The following ADGRL3 variants were observed in gnomAD, a reference collection of about 807,000 sequenced individuals.
The protein encoded by ADGRL3 is calcium-independent alpha-latrotoxin receptor 3.
Under a neutral mutation model 153.5 loss-of-function variants are expected in ADGRL3, and 62 were observed. The ratio of observed to expected loss-of-function variants is 0.40; its 90% confidence interval spans 0.33 to 0.50. ADGRL3 has a LOEUF of 0.50. Among genes scored for constraint, ADGRL3 ranks in the 20% least tolerant of loss-of-function variants. ADGRL3 has a pLI of 0.47. For missense variants in ADGRL3, 1,641 were observed against 1,859.4 expected (o/e 0.88, Z 2.16); for synonymous variants, 710 against 672.5 (o/e 1.06, Z -0.86).
chr4:61,641,177 C>T (rs1489223050), intron 5 of ADGRL3, among the ~76,000 whole-genome samples: 4 of 151,878 alleles, frequency 2.6e-5, no homozygotes, highest in Non-Finnish European at 5.9e-5. Context: ...CAACCTCACA[C>T]GGCTATTTTG....
intron 3 of ADGRL3, among the ~76,000 whole-genome samples, chr4:61,505,480 G>C (rs899517797): frequency 6.6e-6 from 1 of 152,038 alleles, no homozygotes; most frequent in African/African-American, 2.4e-5. Flanking sequence ...ATACAAAACA[G>C]CAAGGCAATT....
At chr4:61,316,817 A>C (rs1031950304) in intron 1 of ADGRL3, among the ~76,000 whole-genome samples, 12 of 152,172 alleles carry the variant, frequency 7.9e-5, no homozygotes, top group African/African-American at 2.9e-4. Flanking sequence ...ATTTTAGTAC[A>C]TATTTTGCTA....
intron 21 of ADGRL3, among the ~76,000 whole-genome samples, chr4:62,008,796 A>G (rs2099170540): frequency 6.6e-6 from 1 of 151,976 alleles, no homozygotes; most frequent in African/African-American, 2.4e-5. Flanking sequence ...ATACACGCAT[A>G]TCCAGGCACA....
At chr4:61,545,595 C>T (rs2148705523) in intron 4 of ADGRL3, among the ~76,000 whole-genome samples, 1 of 152,266 alleles carries the variant, frequency 6.6e-6, no homozygotes, top group East Asian at 1.9e-4. Context: ...CTCACTGCAA[C>T]CTCCGCCTGC....
At chr4:61,292,379 A>G (rs957068315) in intron 1 of ADGRL3, among the ~76,000 whole-genome samples, 1 of 152,174 alleles carries the variant, frequency 6.6e-6, no homozygotes, top group Non-Finnish European at 1.5e-5. Flanking sequence ...TTTTGAGGCT[A>G]TAGTTGTGAA....
chr4:61,930,460 T>G (rs1263048786), intron 13 of ADGRL3, among the ~76,000 whole-genome samples: 1 of 152,192 alleles, frequency 6.6e-6, no homozygotes, highest in African/African-American at 2.4e-5. Context: ...AAGTTGTCAT[T>G]GCAAAAATAT....
rs1399928824 is a variant in ADGRL3 at position 61,983,416 on chromosome 4, T to A, written c.3049T>A (p.Phe1017Ile). ...ACAVFAALLH[F>I]FFLAAFTWMF... ...TGCTGTTTTCGCTGCCCTGTTACAT[T>A]TCTTCTTCTTGGCTGCCTTCACCTG... The change falls in exon 19 of 27, where the codon TTC (phenylalanine) becomes ATC (isoleucine). Residue 1017 changes from phenylalanine (F) to isoleucine (I), a missense_variant. Physicochemically the swap from Phe to Ile is conservative, Grantham distance 21. This residue lies in a region of ADGRL3 where 734 missense variants were observed against 797.0 expected (regional missense o/e 0.92). Coordinates refer to ENST00000683033, the MANE Select transcript of ADGRL3 (RefSeq NM_001387552.1). 6.2e-7 allele frequency: 1 copy of A among 1,613,722 alleles called. No homozygotes were observed. Among genetic ancestry groups the A allele is most frequent in the Admixed American group, 1.7e-5 (1 of 59,976 alleles).
At chr4:61,279,967 A>T (rs1385461640) in intron 1 of ADGRL3, among the ~76,000 whole-genome samples, 1 of 152,146 alleles carries the variant, frequency 6.6e-6, no homozygotes, top group Non-Finnish European at 1.5e-5. Flanking sequence ...TATCAAATGT[A>T]CAAATACATA....
At chr4:61,521,224 C>T (rs951904984) in intron 4 of ADGRL3, among the ~76,000 whole-genome samples, 3 of 152,076 alleles carry the variant, frequency 2.0e-5, no homozygotes, top group African/African-American at 4.8e-5. Context: ...TGCAACCTAA[C>T]AGACAAGTAG....
chr4:62,030,115 T>C (rs1465970338), intron 22 of ADGRL3, among the ~76,000 whole-genome samples: 2 of 151,628 alleles, frequency 1.3e-5, no homozygotes, highest in African/African-American at 4.8e-5. Flanking sequence ...CTGATTGTTA[T>C]GGGAGAAAAA....
At chr4:61,360,654 G>A (rs1014904729) in intron 1 of ADGRL3, among the ~76,000 whole-genome samples, 2 of 152,128 alleles carry the variant, frequency 1.3e-5, no homozygotes, top group African/African-American at 4.8e-5. Context: ...CATTTTAGAT[G>A]CAAAAACATA....
At chr4:61,742,898 G>A (rs1039062324) in intron 8 of ADGRL3, among the ~76,000 whole-genome samples, 4 of 151,918 alleles carry the variant, frequency 2.6e-5, no homozygotes, top group Admixed American at 2.0e-4. Flanking sequence ...ACAAATCAAT[G>A]GCCAAACTTT....
chr4:61,750,182 TAAAAAAA>T (rs60768535), intron 8 of ADGRL3, among the ~76,000 whole-genome samples: 18 of 94,614 alleles, frequency 1.9e-4, no homozygotes, highest in African/African-American at 5.1e-4. Flanking sequence ...AGGGGATGGT[TAAAAAAA>T]AAAAAAAAAA....
intron 1 of ADGRL3, among the ~76,000 whole-genome samples, chr4:61,254,250 T>G (rs1317825437): frequency 6.6e-6 from 1 of 152,128 alleles, no homozygotes; most frequent in Non-Finnish European, 1.5e-5. Context: ...TGTGAGTCAT[T>G]TTTTTAGAAG....
chr4:61,937,040 G>C (rs537919444), intron 15 of ADGRL3, among the ~76,000 whole-genome samples: 1 of 152,094 alleles, frequency 6.6e-6, no homozygotes, highest in Non-Finnish European at 1.5e-5. Context: ...AATCATTTTT[G>C]TGTTACTCAT....
chr4:61,716,248 CT>C (rs2151557649), intron 6 of ADGRL3, among the ~76,000 whole-genome samples: 1 of 152,114 alleles, frequency 6.6e-6, no homozygotes, highest in African/African-American at 2.4e-5. Context: ...TAGATAGAAC[CT>C]TTTAAAAATC....
At chr4:62,040,458 T>G (rs1294583620) in intron 24 of ADGRL3, among the ~76,000 whole-genome samples, 1 of 152,058 alleles carries the variant, frequency 6.6e-6, no homozygotes, top group Non-Finnish European at 1.5e-5. Flanking sequence ...GTAAGACTAA[T>G]AAATACATTT....
At chr4:61,518,849 T>G (rs1181913813) in intron 4 of ADGRL3, among the ~76,000 whole-genome samples, 1 of 152,216 alleles carries the variant, frequency 6.6e-6, no homozygotes, top group African/African-American at 2.4e-5. Context: ...AACTTCCTAT[T>G]TTTCCCTTTC....
chr4:61,433,533 T>C (rs1408617886), intron 2 of ADGRL3, among the ~76,000 whole-genome samples: 1 of 152,202 alleles, frequency 6.6e-6, no homozygotes, highest in Non-Finnish European at 1.5e-5. Flanking sequence ...ACAAATCATA[T>C]TTCTTGCTCT....
Sources: gnomAD v4.1 joint callset for allele counts (sites outside exome capture counted in the v4.1 genomes callset) on GRCh38, gnomAD v4.1.1 for gene constraint, gnomAD v4.1.1 regional missense constraint, MANE v1.5 for transcripts, NCBI Gene and HGNC (gene_info 2026-07-23, HGNC 2026-07-21) for gene names.